Variants in ITPR1 observed in about 807,000 individuals in gnomAD.
ITPR1 encodes inositol 1,4,5-trisphosphate receptor type 1, also known as inositol 1,4,5-trisphosphate-gated calcium channel ITPR1.
ITPR1 carries 96 observed loss-of-function variants against 318.4 expected under a neutral mutation model. The ratio of observed to expected loss-of-function variants is 0.30; its 90% CI spans 0.26 to 0.36. The LOEUF is 0.36. ITPR1 is among the 10% of genes least tolerant of loss of function. The probability of loss-of-function intolerance (pLI) is 1.00; values close to 1 mark genes in which losing one functional copy is unlikely to be tolerated. For synonymous variants in ITPR1, 1,312 were observed against 1,289.9 expected (o/e 1.02, Z -0.37); for missense variants, 2,440 against 3,460.2 (o/e 0.71, Z 7.40).
At chr3:4,670,079 T>G (rs1268091186) in intron 19 of ITPR1, among the ~76,000 whole-genome samples, 1 of 152,234 alleles carries the variant, frequency 6.6e-6, no homozygotes, top group Non-Finnish European at 1.5e-5. Context: ...GACCATCAAT[T>G]TAAAATTTCA....
chr3:4,678,374 G>A (rs1044214172), intron 24 of ITPR1, among the ~76,000 whole-genome samples: 1 of 152,116 alleles, frequency 6.6e-6, no homozygotes, highest in African/African-American at 2.4e-5. Context: ...GTGTTCCAAA[G>A]TGGTGTCTTG....
intron 44 of ITPR1, among the ~76,000 whole-genome samples, chr3:4,756,097 C>T (rs2279749): frequency 0.37 from 56,273 of 151,920 alleles, 11,308 homozygotes; most frequent in Middle Eastern, 0.65. Context: ...ATTGTACTCA[C>T]TATTAGGCCC....
chr3:4,743,261 T>C (rs1020625443), intron 44 of ITPR1, among the ~76,000 whole-genome samples: 7 of 152,246 alleles, frequency 4.6e-5, no homozygotes, highest in Admixed American at 6.5e-5. Context: ...TGGACTGTTA[T>C]TGAACAGGAG....
intron 60 of ITPR1, among the ~76,000 whole-genome samples, chr3:4,834,520 C>A (rs773689416): frequency 6.6e-6 from 1 of 152,182 alleles, no homozygotes; most frequent in African/African-American, 2.4e-5. Context: ...GCCCAGCCCA[C>A]GTCATCCCTC....
At chr3:4,755,281 C>T (rs2125353717) in intron 44 of ITPR1, among the ~76,000 whole-genome samples, 1 of 150,898 alleles carries the variant, frequency 6.6e-6, no homozygotes, top group Middle Eastern at 3.4e-3. Flanking sequence ...GACCACGCTG[C>T]TTACCAGATA....
Position 4,779,656 on chromosome 3 carries a change from T to C in ITPR1, c.6387+11T>C. On this transcript the variant is annotated intron_variant, in intron 49 of 61. Coordinates refer to ENST00000649015, the MANE Select transcript of ITPR1 (RefSeq NM_001378452.1). The surrounding 1 kb of genome is among the most constrained non-coding windows in gnomAD (Gnocchi z 4.0). ...AGGCCCAAGGAACTGGTGAGTCGGG[T>C]GACGGATCTGATGGTAGCACCAAGG... 1.3e-6 allele frequency: 2 copies of C among 1,570,350 alleles called. No homozygotes were observed. Among genetic ancestry groups the C allele is most frequent in the Non-Finnish European group, 1.8e-6 (2 of 1,141,144 alleles).
At chr3:4,802,962 A>T (rs1425042841) in intron 54 of ITPR1, among the ~76,000 whole-genome samples, 4 of 152,206 alleles carry the variant, frequency 2.6e-5, no homozygotes, top group African/African-American at 7.2e-5. Context: ...TCGTTCTCAC[A>T]TTGCTATAAA....
intron 2 of ITPR1, among the ~76,000 whole-genome samples, chr3:4,502,526 C>T (rs899622895): frequency 1.3e-4 from 19 of 151,814 alleles, no homozygotes; most frequent in East Asian, 1.9e-4. Context: ...CTGCAACCTC[C>T]GCCTGCCAGG....
chr3:4,732,575 CTT>C (rs2043001530), intron 42 of ITPR1, among the ~76,000 whole-genome samples: 1 of 151,926 alleles, frequency 6.6e-6, no homozygotes, highest in African/African-American at 2.4e-5. Flanking sequence ...TTTGGTTTGT[CTT>C]TTGTTTTTTT....
chr3:4,713,647 G>A (rs1285838776), intron 39 of ITPR1, among the ~76,000 whole-genome samples: 2 of 152,208 alleles, frequency 1.3e-5, no homozygotes, highest in East Asian at 3.8e-4. Context: ...ATGTTATAAA[G>A]CTCATGGAGA....
intron 51 of ITPR1, among the ~76,000 whole-genome samples, chr3:4,786,693 G>A (rs921302139): frequency 2.0e-5 from 3 of 152,198 alleles, no homozygotes; most frequent in Non-Finnish European, 2.9e-5. Context: ...TCCAGCCAGA[G>A]TACCTCCTCT....
At chr3:4,805,204 A>G (rs2048481558) in intron 54 of ITPR1, among the ~76,000 whole-genome samples, 4 of 152,196 alleles carry the variant, frequency 2.6e-5, no homozygotes, top group African/African-American at 7.2e-5. Flanking sequence ...GGGCTCACAC[A>G]GTGTCCTCAG....
chr3:4,649,406 T>G (rs1304521546), intron 10 of ITPR1, among the ~76,000 whole-genome samples: 1 of 152,190 alleles, frequency 6.6e-6, no homozygotes, highest in African/African-American at 2.4e-5. Context: ...ACACCATGTA[T>G]TTTATATTTG....
intron 44 of ITPR1, among the ~76,000 whole-genome samples, chr3:4,745,740 T>G (rs1406571354): frequency 6.6e-6 from 1 of 152,176 alleles, no homozygotes; most frequent in East Asian, 1.9e-4. Flanking sequence ...ATTTCTAGAT[T>G]TCTGCTCAAA....
At chr3:4,548,284 T>C (rs1238373674) in intron 4 of ITPR1, among the ~76,000 whole-genome samples, 1 of 152,218 alleles carries the variant, frequency 6.6e-6, no homozygotes, top group Non-Finnish European at 1.5e-5. Flanking sequence ...CATTCAAACA[T>C]CAAGTTTGGG....
intron 55 of ITPR1, among the ~76,000 whole-genome samples, chr3:4,810,347 A>G (rs1482526493): frequency 2.6e-5 from 4 of 152,150 alleles, no homozygotes; most frequent in Non-Finnish European, 5.9e-5. Context: ...TCTCCCAGTC[A>G]AGTATCTGTG....
At chr3:4,681,631 G>GTGTGTGTGTA (rs1559683096) in intron 26 of ITPR1, among the ~76,000 whole-genome samples, 46 of 151,022 alleles carry the variant, frequency 3.0e-4, no homozygotes, top group Admixed American at 1.1e-3. Flanking sequence ...GAAAGTGTGT[G>GTGTGTGTGTA]TGTGTGTGTG....
chr3:4,676,530 C>A, intron 23 of ITPR1, 84 bp from the exon 24 acceptor site: 1 of 976,700 alleles, frequency 1.0e-6, no homozygotes, highest in South Asian at 1.6e-5. Context: ...AATAATTTCT[C>A]TCAAAGAGCC....
chr3:4,658,138 G>A lies in ITPR1; in HGVS notation c.1011G>A (p.Gln337=), dbSNP rs767108385. 1 of 1,612,628 alleles carries A rather than the reference G, an allele frequency of 6.2e-7. No individual in the cohort carries two copies. The highest frequency in any genetic ancestry group is 1.3e-5 in the African/African-American group (1 of 74,892). Reference sequence around the variant, plus strand: ...TACCTCCTCAGGTGGACCCTGATCAGGACGCCTCTCGAAGTAGGTTGCGGA... The same window carrying A: ...TACCTCCTCAGGTGGACCCTGATCAAGACGCCTCTCGAAGTAGGTTGCGGA... ...LEFQPSVDPD[Q]DASRSRLRNA... Residue 337 remains glutamine (Q), a synonymous_variant, in exon 13 of 62, where the codon CAG becomes CAA. Coordinates refer to ENST00000649015, the MANE Select transcript of ITPR1 (RefSeq NM_001378452.1).
Sources: gnomAD v4.1 joint callset for allele counts (sites outside exome capture counted in the v4.1 genomes callset) on GRCh38, gnomAD v4.1.1 for gene constraint, Gnocchi (gnomAD v3.1) non-coding constraint, MANE v1.5 for transcripts, NCBI Gene and HGNC (gene_info 2026-07-23, HGNC 2026-07-21) for gene names.